The following FAM178B variants were observed in gnomAD, a reference collection of about 807,000 sequenced individuals.
FAM178B encodes the protein protein FAM178B.
In FAM178B, 82 loss-of-function variants were observed where a neutral mutation model predicts 91.7. The ratio of observed to expected loss-of-function variants is 0.89; its 90% CI spans 0.75 to 1.07. The LOEUF is 1.07. FAM178B is among the 50% of genes least tolerant of loss of function. The pLI, the probability that FAM178B is intolerant of heterozygous loss-of-function variation, is 0.00. For synonymous variants in FAM178B, 368 were observed against 359.4 expected (o/e 1.02, Z -0.27); for missense variants, 769 against 846.7 (o/e 0.91, Z 1.14).
At chr2:96,984,814 A>G (rs1574334315) in intron 1 of FAM178B, among the ~76,000 whole-genome samples, 2 of 152,208 alleles carry the variant, frequency 1.3e-5, no homozygotes, top group Admixed American at 1.3e-4. Flanking sequence ...AGACAAAGAC[A>G]TAAACAACAA....
intron 14 of FAM178B, among the ~76,000 whole-genome samples, chr2:96,887,612 A>G (rs925098128): frequency 2.0e-5 from 3 of 152,182 alleles, no homozygotes; most frequent in African/African-American, 7.2e-5. Context: ...CTTGGATTCA[A>G]ATGTCGCAGT....
intron 14 of FAM178B, among the ~76,000 whole-genome samples, chr2:96,886,525 C>T (rs1559050192): frequency 6.6e-6 from 1 of 152,210 alleles, no homozygotes; most frequent in Non-Finnish European, 1.5e-5. Context: ...CGCCAAGGGC[C>T]AGAGCCCGGA....
At position 96,893,949 on chromosome 2, in the gene FAM178B, C is replaced by A. The variant is rs764023219; in HGVS notation, c.1753G>T (p.Ala585Ser). The A allele has an allele frequency of 1.2e-6, 2 of 1,612,774 alleles. No homozygotes were observed. The highest frequency in any genetic ancestry group is 1.7e-6 in the Non-Finnish European group (2 of 1,179,628). Residue 585 changes from alanine (A) to serine (S), a missense_variant, in exon 14 of 17, where the codon GCT (alanine) becomes TCT (serine). By Grantham distance (99) the Ala-to-Ser change is moderately conservative. Transcript: ENST00000490605. ...LPPCQEQQPK[A>S]SAELDHKACY... ...ACCTTGTGGTCTAGCTCGGCACTAG[C>A]CTTTGGCTGTTGCTCCTGGCAGGGT...
intron 1 of FAM178B, among the ~76,000 whole-genome samples, chr2:96,975,473 T>C (rs1274552677): frequency 6.6e-6 from 1 of 152,248 alleles, no homozygotes; most frequent in East Asian, 1.9e-4. Context: ...GGGGGTACAT[T>C]TGATAATTTA....
At chr2:96,879,216 G>A (rs1258179596) in intron 14 of FAM178B, among the ~76,000 whole-genome samples, 2 of 152,212 alleles carry the variant, frequency 1.3e-5, no homozygotes, top group South Asian at 2.1e-4. Flanking sequence ...ACTGCTGCCC[G>A]CAGGTGCGCC....
At chr2:96,898,149 A>C (rs770350283) in intron 13 of FAM178B, 108 of 980,986 alleles carry the variant, frequency 1.1e-4, no homozygotes, top group Non-Finnish European at 1.3e-4. Context: ...TTTTACAGTG[A>C]ATCGATTGAT....
chr2:96,902,043 G>T (rs1277257692), intron 13 of FAM178B, among the ~76,000 whole-genome samples: 1 of 151,382 alleles, frequency 6.6e-6, no homozygotes, highest in African/African-American at 2.4e-5. Context: ...AGGCGATCCC[G>T]CCCACCTCAG....
At chr2:96,904,884 C>A (rs1237353454) in intron 12 of FAM178B, among the ~76,000 whole-genome samples, 4 of 152,070 alleles carry the variant, frequency 2.6e-5, no homozygotes, top group Non-Finnish European at 4.4e-5. Context: ...CTGCCTCAGC[C>A]TCCCAAGTAG....
intron 1 of FAM178B, among the ~76,000 whole-genome samples, chr2:96,984,638 GATTATATGGC>G (rs1250675740): frequency 6.6e-6 from 1 of 152,212 alleles, no homozygotes; most frequent in East Asian, 1.9e-4. Context: ...ATCTACCAGT[GATTATATGGC>G]ATTCCAATTT....
intron 4 of FAM178B, among the ~76,000 whole-genome samples, chr2:96,967,909 G>GTTTTTTTTTTT (rs1318481195): frequency 1.8e-3 from 71 of 40,152 alleles, no homozygotes; most frequent in Non-Finnish European, 5.1e-3. Context: ...ACCCTGTTTG[G>GTTTTTTTTTTT]TCTTTTTTTT....
intron 5 of FAM178B, 145 bp from the exon 6 acceptor site, chr2:96,960,585 T>A: frequency 1.0e-6 from 1 of 962,398 alleles, no homozygotes; most frequent in Non-Finnish European, 1.5e-6. Context: ...CAGCGCCACC[T>A]GCTGATGGAG....
chr2:96,932,783 C>CA (rs1163260265), intron 8 of FAM178B, among the ~76,000 whole-genome samples: 1 of 150,800 alleles, frequency 6.6e-6, no homozygotes, highest in African/African-American at 2.4e-5. Flanking sequence ...ACTAAAAATA[C>CA]AAAAAAATTA....
intron 8 of FAM178B, among the ~76,000 whole-genome samples, chr2:96,943,094 A>T (rs2081761170): frequency 6.6e-6 from 1 of 152,338 alleles, no homozygotes; most frequent in East Asian, 1.9e-4. Context: ...TTAGACAATG[A>T]TGTCAGTAAT....
intron 12 of FAM178B, among the ~76,000 whole-genome samples, chr2:96,911,658 G>C (rs781431393): frequency 2.5e-4 from 38 of 152,248 alleles, no homozygotes. Flanking sequence ...AGCCTGGAAA[G>C]AGACAGTGGG....
chr2:96,962,307 G>GA (rs975823253), intron 5 of FAM178B, among the ~76,000 whole-genome samples: 22 of 151,512 alleles, frequency 1.5e-4, no homozygotes, highest in African/African-American at 4.6e-4. Flanking sequence ...ATCTCAAAGG[G>GA]AAGAAAATAC....
At chr2:96,968,216 G>C (rs1246109704) in intron 4 of FAM178B, among the ~76,000 whole-genome samples, 1 of 151,900 alleles carries the variant, frequency 6.6e-6, no homozygotes, top group African/African-American at 2.4e-5. Flanking sequence ...CAGCCACTTA[G>C]GGCAGCCCCT....
At chr2:96,922,738 CTT>C (rs1295215529) in intron 10 of FAM178B, among the ~76,000 whole-genome samples, 1 of 151,232 alleles carries the variant, frequency 6.6e-6, no homozygotes, top group Non-Finnish European at 1.5e-5. Flanking sequence ...GAGTTTCTCT[CTT>C]GTTGCCCAGG....
intron 16 of FAM178B, among the ~76,000 whole-genome samples, chr2:96,876,859 G>T (rs1330062479): frequency 1.3e-5 from 2 of 152,174 alleles, no homozygotes; most frequent in South Asian, 4.2e-4. Context: ...CCAGCAGGGT[G>T]CTGTTTGTTG....
intron 12 of FAM178B, among the ~76,000 whole-genome samples, chr2:96,916,756 T>C (rs945407941): frequency 6.6e-6 from 1 of 152,206 alleles, no homozygotes; most frequent in Admixed American, 6.5e-5. Flanking sequence ...CATGAAGTCT[T>C]GAACGCTGAG....
Sources: gnomAD v4.1 joint callset for allele counts (sites outside exome capture counted in the v4.1 genomes callset) on GRCh38, gnomAD v4.1.1 for gene constraint, MANE v1.5 for transcripts, NCBI Gene and HGNC (gene_info 2026-07-23, HGNC 2026-07-21) for gene names.